Variants in CRKL observed in about 807,000 individuals in gnomAD.
CRKL encodes CRK like proto-oncogene, adaptor protein.
A neutral mutation model predicts 23.0 loss-of-function variants in CRKL; 3 were observed. The ratio of observed to expected loss-of-function variants is 0.13; its 90% CI spans 0.06 to 0.34. The LOEUF is 0.34. CRKL is among the 10% of genes least tolerant of loss of function. CRKL has a pLI of 1.00. For synonymous variants in CRKL, 188 were observed against 160.7 expected, an observed-to-expected ratio of 1.17 and a Z score of -1.28; for missense variants, 256 against 394.5, an observed-to-expected ratio of 0.65 and a Z score of 2.97.
At chr22:20,940,614 C>T (rs1921838986) in intron 2 of CRKL, among the ~76,000 whole-genome samples, 2 of 143,076 alleles carry the variant, frequency 1.4e-5, no homozygotes, top group African/African-American at 5.3e-5. Flanking sequence ...TGATACTCAG[C>T]GTTCTTTGAG....
chr22:20,942,823 A>G (rs1407666024), intron 2 of CRKL, among the ~76,000 whole-genome samples: 1 of 152,074 alleles, frequency 6.6e-6, no homozygotes, highest in Non-Finnish European at 1.5e-5. Flanking sequence ...GGGTTTTGCC[A>G]TGTTAGCCAG....
intron 2 of CRKL, among the ~76,000 whole-genome samples, chr22:20,939,307 C>G (rs1480882811): frequency 2.3e-5 from 3 of 128,544 alleles, no homozygotes; most frequent in Non-Finnish European, 4.7e-5. Context: ...GTGGCGCCAT[C>G]TTGGCTCACT....
intron 1 of CRKL, among the ~76,000 whole-genome samples, chr22:20,919,827 G>C (rs1920971379): frequency 6.6e-6 from 1 of 151,908 alleles, no homozygotes; most frequent in Non-Finnish European, 1.5e-5. Context: ...TGTTTGCATA[G>C]TGGGATAGAG....
In CRKL at chr22:20,917,777, C is replaced by T. The variant is rs1041299736; in HGVS notation, c.-158C>T. The T allele has an allele frequency of 5.5e-5, 39 of 710,474 alleles. No homozygotes were observed. Among genetic ancestry groups the T allele is most frequent in the Middle Eastern group, 4.0e-4 (1 of 2,514 alleles). 44.0% of individuals were successfully genotyped at this position (710,474 alleles called of 1,614,324 possible). A position where few individuals can be genotyped will look rare whatever the true frequency, so the allele number is the denominator to read the frequency against. On this transcript the variant is annotated 5_prime_UTR_variant, in exon 1 of 3. Transcript: ENST00000354336. ...GCGGCGTCGGAGGATGCTGCGGGCC[C>T]GGAGCCGAGAGGAAAGTGCTGGCCC...
At chr22:20,948,033 A>G (rs1922133170) in intron 2 of CRKL, among the ~76,000 whole-genome samples, 1 of 152,130 alleles carries the variant, frequency 6.6e-6, no homozygotes. Context: ...TTCATTGTGT[A>G]TCCCACTCAA....
intron 2 of CRKL, among the ~76,000 whole-genome samples, chr22:20,940,618 C>T (rs1023775196): frequency 7.3e-6 from 1 of 136,478 alleles, no homozygotes; most frequent in African/African-American, 3.0e-5. Flanking sequence ...ACTCAGCGTT[C>T]TTTGAGGTCA....
At chr22:20,946,037 G>A (rs182790053) in intron 2 of CRKL, among the ~76,000 whole-genome samples, 42 of 152,268 alleles carry the variant, frequency 2.8e-4, no homozygotes, top group African/African-American at 7.9e-4. Flanking sequence ...ATACAACTTC[G>A]CAGGATGTTC....
Position 20,951,267 on chromosome 22 carries a change from T to TA in CRKL, c.*1424dup, listed in dbSNP as rs1175523726. ...GCTCATACTGGTCTCACAGTCTAAG[T>TA]AAGTGTCTGTGATGCTCCCAAGCAA... On this transcript the variant is annotated 3_prime_UTR_variant, in exon 3 of 3. Transcript: ENST00000354336. The TA allele has an allele frequency of 4.3e-6, 1 of 232,552 alleles. No homozygotes were observed. The allele number at this position is 232,552 out of a possible 1,614,324, so 14.4% of individuals were successfully genotyped here. A position where few individuals can be genotyped will look rare whatever the true frequency, so the allele number is the denominator to read the frequency against.
intron 1 of CRKL, among the ~76,000 whole-genome samples, chr22:20,924,492 CTG>C (rs1921120172): frequency 6.6e-6 from 1 of 152,210 alleles, no homozygotes; most frequent in African/African-American, 2.4e-5. Context: ...GAATTCAACT[CTG>C]TGAATAAACC....
At chr22:20,946,719 C>T (rs540592638) in intron 2 of CRKL, among the ~76,000 whole-genome samples, 6 of 71,946 alleles carry the variant, frequency 8.3e-5, no homozygotes, top group South Asian at 8.7e-4. Context: ...AGCACCCCTC[C>T]CTCCAAAAAA....
At chr22:20,943,582 T>C (rs1921952726) in intron 2 of CRKL, among the ~76,000 whole-genome samples, 2 of 152,310 alleles carry the variant, frequency 1.3e-5, no homozygotes, top group East Asian at 3.9e-4. Flanking sequence ...TAAATGACTT[T>C]TTGTGTATAG....
rs923271020 is a variant in CRKL, at chr22:20,917,802, C to T, written c.-133C>T. ...CGGAGCCGAGAGGAAAGTGCTGGCC[C>T]AGCCCTCTGAGCGCTCCTCGAGGTG... On this transcript the variant is annotated 5_prime_UTR_variant, in exon 1 of 3. Transcript: ENST00000354336. 33 of 864,744 alleles carry T rather than the reference C, an allele frequency of 3.8e-5. No homozygotes were observed. The African/African-American group carries it at 4.8e-4, about 13-fold the overall frequency. 53.6% of individuals were successfully genotyped at this position (864,744 alleles called of 1,614,324 possible). A position where few individuals can be genotyped will look rare whatever the true frequency, so the allele number is the denominator to read the frequency against.
chr22:20,943,061 A>G (rs755725420), intron 2 of CRKL, among the ~76,000 whole-genome samples: 7 of 152,048 alleles, frequency 4.6e-5, no homozygotes, highest in Non-Finnish European at 1.0e-4. Flanking sequence ...CATATTTTTT[A>G]TTATAGCCAT....
At chr22:20,936,058 A>G (rs1457762307) in intron 2 of CRKL, among the ~76,000 whole-genome samples, 1 of 152,070 alleles carries the variant, frequency 6.6e-6, no homozygotes, top group Admixed American at 6.6e-5. Context: ...TACTCAGGAG[A>G]CTGAGGTGGA....
At chr22:20,947,152 A>AG (rs1260715341) in intron 2 of CRKL, among the ~76,000 whole-genome samples, 1 of 63,252 alleles carries the variant, frequency 1.6e-5, no homozygotes, top group Non-Finnish European at 3.9e-5. Context: ...CTGTCTAAGC[A>AG]GTAGCTCCTT....
rs147739461 is a variant in CRKL, at chr22:20,922,965, G to A, written c.311+4720G>A. ...TGGGATTACAGGTGTGAGCCACTGC[G>A]CCTGGCCTAGCTCTAGTGTATTTTT... is the stretch of plus-strand genomic sequence containing the variant. On this transcript the variant is annotated intron_variant, in intron 1 of 2. Transcript: ENST00000354336. Among the ~76,000 whole-genome samples the A allele has an allele frequency of 5.9e-3, 905 of 152,202 alleles. 8 individuals carry two copies. The highest frequency in any genetic ancestry group is 0.055 in the East Asian group (283 of 5,164).
Position 20,917,423 on chromosome 22 carries a change from G to C in CRKL, c.-512G>C, listed in dbSNP as rs1929729744. 4.5e-6 allele frequency: 1 copy of C among 223,384 alleles called. No homozygotes were observed. The highest frequency in any genetic ancestry group is 2.2e-5 in the African/African-American group (1 of 44,732). 13.8% of individuals were successfully genotyped at this position (223,384 alleles called of 1,614,324 possible). ...AGCGCGTGCGCAGACGGAGCGCGCTGAGCGGAGGGGGAGGTGGCTGCCGCT... is the reference window on the plus strand; with the variant it reads ...AGCGCGTGCGCAGACGGAGCGCGCTCAGCGGAGGGGGAGGTGGCTGCCGCT... On this transcript the variant is annotated 5_prime_UTR_variant, in exon 1 of 3. Coordinates refer to ENST00000354336, the MANE Select transcript of CRKL (RefSeq NM_005207.4).
At chr22:20,925,769 G>A (rs1326262157) in intron 1 of CRKL, among the ~76,000 whole-genome samples, 1 of 152,124 alleles carries the variant, frequency 6.6e-6, no homozygotes, top group Non-Finnish European at 1.5e-5. Context: ...CCAGTTTTGT[G>A]ACAGTATTAA....
chr22:20,931,959 C>T (rs994566690), intron 1 of CRKL, among the ~76,000 whole-genome samples: 2 of 151,814 alleles, frequency 1.3e-5, no homozygotes, highest in Non-Finnish European at 2.9e-5. Flanking sequence ...CTACAGGCAC[C>T]CACCACCATG....
Sources: allele counts gnomAD v4.1 joint callset (sites outside exome capture counted in the v4.1 genomes callset), GRCh38; gene constraint gnomAD v4.1.1; transcripts MANE v1.5; gene names NCBI Gene and HGNC (gene_info 2026-07-23, HGNC 2026-07-21).